The following CNTN5 variants were observed in gnomAD, a reference collection of about 807,000 sequenced individuals.
CNTN5 encodes contactin-5.
A neutral mutation model predicts 129.1 loss-of-function variants in CNTN5; 77 were observed. That is an observed-to-expected ratio of 0.60 (90% CI 0.50 to 0.72). CNTN5 has a LOEUF of 0.72. CNTN5 is among the 30% of genes least tolerant of loss of function. The pLI is 0.00. For synonymous variants in CNTN5, 509 were observed against 465.6 expected, an observed-to-expected ratio of 1.09 and a Z score of -1.20; for missense variants, 1,478 against 1,328.8, an observed-to-expected ratio of 1.11 and a Z score of -1.75.
At chr11:99,725,337 C>T (rs1441232626) in intron 3 of CNTN5, among the ~76,000 whole-genome samples, 1 of 152,034 alleles carries the variant, frequency 6.6e-6, no homozygotes, top group Non-Finnish European at 1.5e-5. Flanking sequence ...AATTTGAAAA[C>T]TATGATAGAG....
chr11:100,302,325 AGCTTCACAGTGTGTCTTT>A (rs1424800273), intron 20 of CNTN5, among the ~76,000 whole-genome samples: 1 of 151,600 alleles, frequency 6.6e-6, no homozygotes, highest in Non-Finnish European at 1.5e-5. Flanking sequence ...ATGTTCATAC[AGCTTCACAGTGTGTCTTT>A]TATCATTATA....
intron 21 of CNTN5, among the ~76,000 whole-genome samples, chr11:100,330,320 T>C (rs1277168812): frequency 6.6e-6 from 1 of 152,092 alleles, no homozygotes; most frequent in Non-Finnish European, 1.5e-5. Flanking sequence ...CTTCAAGAAG[T>C]TTGGGACTAT....
intron 13 of CNTN5, among the ~76,000 whole-genome samples, chr11:100,097,944 A>G (rs1453762327): frequency 1.3e-5 from 2 of 152,014 alleles, no homozygotes; most frequent in East Asian, 3.9e-4. Context: ...AAAATTAAAC[A>G]TGGTAAAAGA....
chr11:99,618,184 C>T (rs981749897), intron 3 of CNTN5, among the ~76,000 whole-genome samples: 9 of 152,084 alleles, frequency 5.9e-5, no homozygotes, highest in Non-Finnish European at 1.3e-4. Flanking sequence ...ATTGTGTTTA[C>T]AGGGCTTCTA....
chr11:99,433,971 G>A (rs1268727674), intron 2 of CNTN5, among the ~76,000 whole-genome samples: 1 of 152,068 alleles, frequency 6.6e-6, no homozygotes. Flanking sequence ...AAGCGGAAAA[G>A]CAGATCAGAA....
intron 1 of CNTN5, among the ~76,000 whole-genome samples, chr11:99,061,286 A>T (rs1864864764): frequency 6.6e-6 from 1 of 152,128 alleles, no homozygotes; most frequent in Admixed American, 6.6e-5. Context: ...GAATTCATGA[A>T]ATATGCCTCT....
At chr11:100,076,251 C>T (rs1944121939) in intron 13 of CNTN5, among the ~76,000 whole-genome samples, 2 of 152,018 alleles carry the variant, frequency 1.3e-5, no homozygotes, top group South Asian at 2.1e-4. Context: ...GCCTTATCTA[C>T]GCAAAACATT....
At chr11:99,262,288 A>G (rs1275632029) in intron 1 of CNTN5, among the ~76,000 whole-genome samples, 1 of 152,124 alleles carries the variant, frequency 6.6e-6, no homozygotes, top group African/African-American at 2.4e-5. Context: ...AATGAATAAA[A>G]CAATCTATTT....
At chr11:99,685,334 T>A (rs1953742844) in intron 3 of CNTN5, among the ~76,000 whole-genome samples, 1 of 151,916 alleles carries the variant, frequency 6.6e-6, no homozygotes, top group Non-Finnish European at 1.5e-5. Flanking sequence ...GAAAATAATG[T>A]GTACCATAGT....
chr11:99,193,143 T>C (rs1279188728), intron 1 of CNTN5, among the ~76,000 whole-genome samples: 4 of 152,184 alleles, frequency 2.6e-5, no homozygotes, highest in African/African-American at 9.6e-5. Context: ...TTACTGTAAA[T>C]GGAGATTTTT....
At chr11:100,008,264 T>A (rs1940314141) in intron 9 of CNTN5, among the ~76,000 whole-genome samples, 1 of 152,104 alleles carries the variant, frequency 6.6e-6, no homozygotes, top group African/African-American at 2.4e-5. Context: ...GCCAGTAGAT[T>A]TGCTTGACAT....
chr11:100,095,031 C>G (rs1195111907), intron 13 of CNTN5, among the ~76,000 whole-genome samples: 1 of 152,042 alleles, frequency 6.6e-6, no homozygotes, highest in Non-Finnish European at 1.5e-5. Flanking sequence ...ACTTTCACTC[C>G]AGTGAACTGA....
intron 18 of CNTN5, among the ~76,000 whole-genome samples, chr11:100,284,860 G>A (rs1950732777): frequency 6.6e-6 from 1 of 152,112 alleles, no homozygotes; most frequent in African/African-American, 2.4e-5. Flanking sequence ...GCTTATGTGT[G>A]TATGTATCTT....
chr11:99,310,973 C>T (rs1865088639), intron 1 of CNTN5, among the ~76,000 whole-genome samples: 1 of 151,996 alleles, frequency 6.6e-6, no homozygotes, highest in Admixed American at 6.6e-5. Flanking sequence ...GCTTTGTCAC[C>T]CATGCCGGAA....
intron 2 of CNTN5, among the ~76,000 whole-genome samples, chr11:99,392,004 G>A (rs1417950924): frequency 2.7e-4 from 41 of 151,802 alleles, no homozygotes; most frequent in Admixed American, 2.6e-3. Flanking sequence ...TACTCACAAT[G>A]CTGAAATCAT....
intron 13 of CNTN5, among the ~76,000 whole-genome samples, chr11:100,145,191 G>A (rs1218639400): frequency 6.6e-6 from 1 of 152,072 alleles, no homozygotes; most frequent in African/African-American, 2.4e-5. Context: ...GGGAAGAGTA[G>A]ACAAAATTAC....
intron 1 of CNTN5, among the ~76,000 whole-genome samples, chr11:99,164,644 A>T (rs1435699997): frequency 6.6e-6 from 1 of 152,204 alleles, no homozygotes; most frequent in Admixed American, 6.5e-5. Context: ...ATATTAACAT[A>T]TACAAATATC....
At chr11:99,242,004 A>C (rs1249459576) in intron 1 of CNTN5, among the ~76,000 whole-genome samples, 1 of 152,214 alleles carries the variant, frequency 6.6e-6, no homozygotes, top group Non-Finnish European at 1.5e-5. Flanking sequence ...GTTAGATGAC[A>C]AAGTGGTAAC....
At chr11:99,342,587 A>C (rs1326011520) in intron 2 of CNTN5, among the ~76,000 whole-genome samples, 3 of 145,122 alleles carry the variant, frequency 2.1e-5, no homozygotes, top group East Asian at 4.0e-4. Context: ...AAAAAAAAAA[A>C]AAAAAAAAAA....
Sources: allele counts gnomAD v4.1 joint callset (sites outside exome capture counted in the v4.1 genomes callset), GRCh38; gene constraint gnomAD v4.1.1; transcripts MANE v1.5; gene names NCBI Gene and HGNC (gene_info 2026-07-23, HGNC 2026-07-21).